RGS7: variants seen among roughly 807,000 people sequenced by gnomAD.
RGS7 encodes the protein regulator of G-protein signaling 7.
A neutral mutation model predicts 81.1 loss-of-function variants in RGS7; 27 were observed. The ratio of observed to expected loss-of-function variants is 0.33; its 90% confidence interval spans 0.25 to 0.46. The LOEUF (loss-of-function observed/expected upper bound fraction) is 0.46, where lower values mean the gene tolerates loss of function less well. RGS7 is among the 20% of genes least tolerant of loss of function. The pLI is 1.00. For missense variants in RGS7, 396 were observed against 607.4 expected (o/e 0.65, Z 3.66); for synonymous variants, 208 against 207.7 (o/e 1.00, Z -0.01).
intron 3 of RGS7, among the ~76,000 whole-genome samples, chr1:241,042,879 GCAGTGAGCCGAGATCA>G (rs1326380351): frequency 1.3e-5 from 2 of 151,344 alleles, no homozygotes; most frequent in Non-Finnish European, 1.5e-5. Flanking sequence ...GGCGGAGGTT[GCAGTGAGCCGAGATCA>G]CAGTGAGCCG....
Position 241,003,320 on chromosome 1 carries a change from G to T in RGS7, c.176-20191C>A, listed in dbSNP as rs192930119. ...ACTAAAAATACAAAAAATTAGCCGG[G>T]CGTCGTGGCAGGTGCCTGTAGTCCC... is the stretch of plus-strand genomic sequence containing the variant. On this transcript the variant is annotated intron_variant, in intron 3 of 18. Coordinates refer to ENST00000440928, the MANE Select transcript of RGS7 (RefSeq NM_001364886.1). Among the ~76,000 whole-genome samples, 1,409 of 152,096 alleles carry T rather than the reference G, an allele frequency of 9.3e-3. 13 individuals carry two copies. Among genetic ancestry groups the T allele is most frequent in the Middle Eastern group, 0.02 (6 of 294 alleles).
chr1:240,812,526 C>T (rs991517133), intron 13 of RGS7, among the ~76,000 whole-genome samples: 3 of 151,528 alleles, frequency 2.0e-5, no homozygotes, highest in Non-Finnish European at 2.9e-5. Flanking sequence ...CCTCCACCTC[C>T]CGGGTTCAAG....
intron 2 of RGS7, among the ~76,000 whole-genome samples, chr1:241,119,203 CA>C (rs1190733703): frequency 2.6e-5 from 4 of 152,110 alleles, no homozygotes; most frequent in Non-Finnish European, 5.9e-5. Flanking sequence ...CTATATTTCT[CA>C]AAACATATTT....
intron 9 of RGS7, among the ~76,000 whole-genome samples, chr1:240,861,877 C>T (rs1662259242): frequency 6.6e-6 from 1 of 152,126 alleles, no homozygotes; most frequent in African/African-American, 2.4e-5. Flanking sequence ...TTCTTCAGCA[C>T]TTTGACAAGT....
At chr1:241,277,997 T>C (rs937021822) in intron 2 of RGS7, among the ~76,000 whole-genome samples, 1 of 152,222 alleles carries the variant, frequency 6.6e-6, no homozygotes, top group African/African-American at 2.4e-5. Context: ...CTTCCATATT[T>C]ACCATTGAAA....
chr1:241,246,759 T>C (rs2815879), intron 2 of RGS7, among the ~76,000 whole-genome samples: 145,072 of 151,880 alleles, frequency 0.96, 69,308 homozygotes, highest in East Asian at 1. Flanking sequence ...GTTGTTTTTT[T>C]TTCTATTATT....
At chr1:240,956,340 A>G (rs1680412476) in intron 4 of RGS7, among the ~76,000 whole-genome samples, 1 of 151,324 alleles carries the variant, frequency 6.6e-6, no homozygotes, top group Admixed American at 6.6e-5. Context: ...AAGTAATTTT[A>G]TATTTTGAGA....
intron 3 of RGS7, among the ~76,000 whole-genome samples, chr1:241,040,482 T>TATTC (rs1360297744): frequency 6.6e-6 from 1 of 151,516 alleles, no homozygotes; most frequent in Non-Finnish European, 1.5e-5. Flanking sequence ...CTTTTCTTTT[T>TATTC]ATTTATTTAT....
At chr1:241,057,144 A>G (rs1270963024) in intron 3 of RGS7, among the ~76,000 whole-genome samples, 1 of 152,074 alleles carries the variant, frequency 6.6e-6, no homozygotes, top group East Asian at 1.9e-4. Context: ...CCAAATTGAT[A>G]ATTTTATATT....
chr1:240,930,615 C>A lies in RGS7; in HGVS notation c.385+102G>T, dbSNP rs1675276260. ...AAAAATATTGGTCCCATCCTGAGAA[C>A]TGTGGTTTCCTTTTCTTAATGAAAA... On this transcript the variant is annotated intron_variant, in intron 6 of 18. Transcript: ENST00000440928. 4 of 1,104,318 alleles carry A rather than the reference C, an allele frequency of 3.6e-6. No homozygotes were observed. In the Admixed American group the frequency reaches 5.1e-5, roughly 14 times the overall value. 68.4% of individuals were successfully genotyped at this position (1,104,318 alleles called of 1,614,324 possible). A position where few individuals can be genotyped will look rare whatever the true frequency, so the allele number is the denominator to read the frequency against.
chr1:241,269,885 T>G (rs111566075), intron 2 of RGS7, among the ~76,000 whole-genome samples: 1 of 152,212 alleles, frequency 6.6e-6, no homozygotes, highest in Non-Finnish European at 1.5e-5. Flanking sequence ...CATTTAGGAC[T>G]GTGCACTCAA....
intron 2 of RGS7, among the ~76,000 whole-genome samples, chr1:241,181,478 AAT>A (rs2071614660): frequency 6.6e-6 from 1 of 152,228 alleles, no homozygotes; most frequent in Non-Finnish European, 1.5e-5. Flanking sequence ...GAGCTTCCTA[AAT>A]AGTCAATGTT....
intron 3 of RGS7, among the ~76,000 whole-genome samples, chr1:241,039,365 G>A (rs187105216): frequency 5.9e-5 from 9 of 152,268 alleles, no homozygotes; most frequent in East Asian, 1.9e-4. Flanking sequence ...GCCATATCTC[G>A]TTCTGACAGA....
chr1:240,898,111 G>T (rs1309983048), intron 6 of RGS7, among the ~76,000 whole-genome samples: 1 of 152,136 alleles, frequency 6.6e-6, no homozygotes, highest in African/African-American at 2.4e-5. Context: ...TTGTATTTCT[G>T]TGGGATTGGT....
intron 2 of RGS7, among the ~76,000 whole-genome samples, chr1:241,227,002 T>C (rs1201302697): frequency 1.3e-5 from 2 of 152,230 alleles, no homozygotes; most frequent in African/African-American, 4.8e-5. Context: ...TGTGTGGTTT[T>C]TGCTTTCAGA....
At chr1:240,970,788 C>A (rs1266893186) in intron 4 of RGS7, among the ~76,000 whole-genome samples, 2 of 152,098 alleles carry the variant, frequency 1.3e-5, no homozygotes, top group Non-Finnish European at 2.9e-5. Flanking sequence ...AGTTCAAGAC[C>A]AGCCTGGCCA....
intron 3 of RGS7, among the ~76,000 whole-genome samples, chr1:241,082,130 C>A (rs2063169822): frequency 6.6e-6 from 1 of 152,176 alleles, no homozygotes; most frequent in Admixed American, 6.5e-5. Context: ...AGTCGATACA[C>A]CTGAGTTACT....
intron 2 of RGS7, among the ~76,000 whole-genome samples, chr1:241,259,667 A>AAATATAT: frequency 8.6e-4 from 42 of 49,114 alleles, no homozygotes; most frequent in African/African-American, 2.9e-3. Flanking sequence ...AAAAAAAAAA[A>AAATATAT]ATATATATAT....
At chr1:241,220,975 A>AGAGAGAGAG (rs1232009026) in intron 2 of RGS7, among the ~76,000 whole-genome samples, 6 of 104,046 alleles carry the variant, frequency 5.8e-5, no homozygotes, top group East Asian at 2.6e-4. Flanking sequence ...GGAAGGAAGG[A>AGAGAGAGAG]AGGAAGGAAG....
Sources: gnomAD v4.1 joint callset for allele counts (sites outside exome capture counted in the v4.1 genomes callset) on GRCh38, gnomAD v4.1.1 for gene constraint, MANE v1.5 for transcripts, NCBI Gene and HGNC (gene_info 2026-07-23, HGNC 2026-07-21) for gene names.